Variants in ICA1L observed in about 807,000 individuals in gnomAD.
ICA1L encodes islet cell autoantigen 1-like protein.
Under a neutral mutation model 61.3 loss-of-function variants are expected in ICA1L, and 50 were observed. That is an observed-to-expected ratio of 0.82 (90% confidence interval 0.65 to 1.03). ICA1L has a LOEUF of 1.03. Among genes scored for constraint, ICA1L ranks in the 50% least tolerant of loss-of-function variants. The pLI is 0.00. For missense variants in ICA1L, 508 were observed against 556.7 expected, an observed-to-expected ratio of 0.91 and a Z score of 0.88; for synonymous variants, 161 against 191.3, an observed-to-expected ratio of 0.84 and a Z score of 1.31.
At chr2:202,806,843 A>G (rs1285067557) in intron 9 of ICA1L, among the ~76,000 whole-genome samples, 2 of 152,146 alleles carry the variant, frequency 1.3e-5, no homozygotes, top group Non-Finnish European at 2.9e-5. Context: ...CCAGGATCCA[A>G]ACTCAGATTT....
intron 1 of ICA1L, among the ~76,000 whole-genome samples, chr2:202,838,988 T>C (rs1371974574): frequency 6.6e-6 from 1 of 152,044 alleles, no homozygotes; most frequent in Non-Finnish European, 1.5e-5. Context: ...TACCAAGCCA[T>C]CCATGAGGGC....
chr2:202,830,362 C>G (rs1248936548), intron 1 of ICA1L, among the ~76,000 whole-genome samples: 1 of 152,130 alleles, frequency 6.6e-6, no homozygotes, highest in African/African-American at 2.4e-5. Flanking sequence ...GAGCCAAGAT[C>G]ACGCCACTGC....
intron 12 of ICA1L, among the ~76,000 whole-genome samples, chr2:202,785,491 T>TG (rs1412595975): frequency 2.6e-5 from 4 of 152,048 alleles, no homozygotes. Context: ...GGCACAATCT[T>TG]GGCTCACTGC....
At chr2:202,847,821 G>T (rs1363600667) in intron 1 of ICA1L, among the ~76,000 whole-genome samples, 2 of 150,858 alleles carry the variant, frequency 1.3e-5, no homozygotes, top group African/African-American at 2.4e-5. Flanking sequence ...CAAAAACATG[G>T]AATCAACCTA....
At chr2:202,834,520 A>G (rs554301824) in intron 1 of ICA1L, among the ~76,000 whole-genome samples, 100 of 152,010 alleles carry the variant, frequency 6.6e-4, no homozygotes, top group Non-Finnish European at 1.2e-3. Context: ...CCCTGCTACT[A>G]GGGAGGCTGA....
At chr2:202,829,192 CA>C (rs571083590) in intron 1 of ICA1L, 176 bp from the exon 2 acceptor site, 5,751 of 354,794 alleles carry the variant, frequency 0.016, 53 homozygotes, top group Middle Eastern at 0.026. Flanking sequence ...ACTAAAAATA[CA>C]AAAAAAAATT....
chr2:202,836,830 G>GATATAGATAT (rs1484911031), intron 1 of ICA1L, among the ~76,000 whole-genome samples: 11 of 136,810 alleles, frequency 8.0e-5, no homozygotes, highest in East Asian at 2.0e-4. Context: ...TATAGATATA[G>GATATAGATAT]ATACAGATAT....
At chr2:202,840,931 T>A in intron 1 of ICA1L, 1 of 723,712 alleles carries the variant, frequency 1.4e-6, no homozygotes, top group Non-Finnish European at 2.5e-6. Flanking sequence ...TCATACTTGA[T>A]CTGGTACATG....
At chr2:202,819,521 C>G (rs2105850421) in intron 5 of ICA1L, 180 bp downstream of exon 5, 1 of 591,114 alleles carries the variant, frequency 1.7e-6, no homozygotes, top group East Asian at 2.8e-5. Flanking sequence ...AGATGCCACT[C>G]CAGGAGTAAA....
intron 12 of ICA1L, among the ~76,000 whole-genome samples, chr2:202,783,699 G>T (rs115198222): frequency 1.3e-5 from 2 of 152,280 alleles, no homozygotes; most frequent in Non-Finnish European, 2.9e-5. Flanking sequence ...ACATTAGTGG[G>T]ATAATTGACA....
chr2:202,833,501 C>T lies in ICA1L; in HGVS notation c.-7-4485G>A, dbSNP rs368225449. ...TCAGGAGGCTGAGGCAGAAGGATTG[C>T]TTCATCCCAGGAGTTTGAGGCTGCA... On this transcript the variant is annotated intron_variant, in intron 1 of 12. Coordinates refer to ENST00000358299, the MANE Select transcript of ICA1L (RefSeq NM_001288622.3). 1.2e-4 allele frequency among the ~76,000 whole-genome samples: 19 copies of T among 152,268 alleles called. No homozygotes were observed. In the East Asian group the frequency reaches 3.5e-3, roughly 28 times the overall value.
Position 202,814,792 on chromosome 2 carries a change from TAAG to T in ICA1L, c.784-11_784-9del. 6.3e-7 allele frequency: 1 copy of T among 1,587,674 alleles called. No homozygotes were observed. The highest frequency in any genetic ancestry group is 8.6e-7 in the Non-Finnish European group (1 of 1,156,792). On this transcript the variant is annotated splice_polypyrimidine_tract_variant and intron_variant, in intron 7 of 12. Coordinates refer to ENST00000358299, the MANE Select transcript of ICA1L (RefSeq NM_001288622.3). ...TGGCGTGTCTTGTAGTTGCTAAAGA[TAAG>T]AAAGTCAATGTTAAGTATATAGAAT...
Position 202,869,169 on chromosome 2 carries a change from C to G in ICA1L, c.-8+2450G>C, listed in dbSNP as rs545782953. Among the ~76,000 whole-genome samples, 13 of 151,964 alleles carry G rather than the reference C, an allele frequency of 8.6e-5. No individual in the cohort carries two copies. The South Asian group carries it at 2.7e-3, about 32-fold the overall frequency. ...GGTCAGGAGATCGAGACCATCCTGG[C>G]TAACAGGTGAAACCCCGACTCTACT... On this transcript the variant is annotated intron_variant, in intron 1 of 12. Coordinates refer to ENST00000358299, the MANE Select transcript of ICA1L (RefSeq NM_001288622.3).
chr2:202,852,619 G>A (rs570537318), intron 1 of ICA1L, among the ~76,000 whole-genome samples: 2 of 138,332 alleles, frequency 1.4e-5, no homozygotes, highest in Admixed American at 7.7e-5. Context: ...GCAGTGAGCC[G>A]AGATATTGCA....
At chr2:202,862,602 C>T (rs1373479455) in intron 1 of ICA1L, among the ~76,000 whole-genome samples, 1 of 151,760 alleles carries the variant, frequency 6.6e-6, no homozygotes, top group Non-Finnish European at 1.5e-5. Context: ...TTTGGGAGGG[C>T]GAGGCGGGTG....
rs1574313117 is a variant in ICA1L, at chr2:202,774,028, G to T, written c.*5505C>A. On this transcript the variant is annotated 3_prime_UTR_variant, in exon 13 of 13. Coordinates refer to ENST00000358299, the MANE Select transcript of ICA1L (RefSeq NM_001288622.3). ...TTTTATTTTTTTAAATTATGAACTA[G>T]CGCTGCTCCACTTCTTGCTTCTTTG... is the stretch of plus-strand genomic sequence containing the variant. 1.1e-6 allele frequency: 1 copy of T among 871,066 alleles called. No individual in the cohort carries two copies. Among genetic ancestry groups the T allele is most frequent in the Non-Finnish European group, 1.8e-6 (1 of 552,652 alleles). 54.0% of individuals were successfully genotyped at this position (871,066 alleles called of 1,614,324 possible). A position where few individuals can be genotyped will look rare whatever the true frequency, so the allele number is the denominator to read the frequency against.
intron 10 of ICA1L, among the ~76,000 whole-genome samples, chr2:202,795,350 G>A (rs901444700): frequency 3.9e-5 from 6 of 152,032 alleles, no homozygotes; most frequent in Non-Finnish European, 7.4e-5. Context: ...GGTGGCACAC[G>A]CCTATAATCC....
Position 202,776,395 on chromosome 2 carries a change from C to A in ICA1L, c.*3138G>T, listed in dbSNP as rs1300170300. 1.3e-5 allele frequency: 2 copies of A among 151,668 alleles called. No individual in the cohort carries two copies. The highest frequency in any genetic ancestry group is 4.9e-5 in the African/African-American group (2 of 41,026). The allele number at this position is 151,668 out of a possible 1,614,324, so 9.4% of individuals were successfully genotyped here. ...TCTCCCCATTTAACATAAAAAATAT[C>A]TATTTTGAGGGTTGTTCTCAGCCTA... On this transcript the variant is annotated 3_prime_UTR_variant, in exon 13 of 13. Transcript: ENST00000358299.
chr2:202,861,937 G>A (rs960830989), intron 1 of ICA1L, among the ~76,000 whole-genome samples: 3 of 124,320 alleles, frequency 2.4e-5, no homozygotes, highest in East Asian at 2.2e-4. Context: ...GCAAGCCTCC[G>A]CCTTTTTTTT....
Sources: gnomAD v4.1 joint callset for allele counts (sites outside exome capture counted in the v4.1 genomes callset) on GRCh38, gnomAD v4.1.1 for gene constraint, MANE v1.5 for transcripts, NCBI Gene and HGNC (gene_info 2026-07-23, HGNC 2026-07-21) for gene names.